ZNF451: variants seen among roughly 807,000 people sequenced by gnomAD.
ZNF451 encodes the protein zinc finger protein 451, also known as E3 SUMO-protein ligase ZNF451.
In ZNF451, 80 loss-of-function variants were observed where a neutral mutation model predicts 107.1. The ratio of observed to expected loss-of-function variants is 0.75; its 90% CI spans 0.62 to 0.90. ZNF451 has a LOEUF of 0.90. ZNF451 is among the 40% of genes least tolerant of loss of function. The pLI is 0.00. For missense variants in ZNF451, 1,107 were observed against 1,236.2 expected, an observed-to-expected ratio of 0.90 and a Z score of 1.57; for synonymous variants, 362 against 406.5, an observed-to-expected ratio of 0.89 and a Z score of 1.32.
intron 3 of ZNF451, chr6:57,107,487 A>G (rs1593092267): frequency 7.1e-6 from 7 of 985,074 alleles, no homozygotes; most frequent in Admixed American, 6.1e-5. Flanking sequence ...GTTTAATGGT[A>G]GTAGTATTTT....
Position 57,169,467 on chromosome 6 carries a change from C to T in ZNF451, c.*998C>T, listed in dbSNP as rs1040070004. 7 of 152,102 alleles carry T rather than the reference C, an allele frequency of 4.6e-5. No homozygotes were observed. The highest frequency in any genetic ancestry group is 1.7e-4 in the African/African-American group (7 of 41,524). 9.4% of individuals were successfully genotyped at this position (152,102 alleles called of 1,614,324 possible). On this transcript the variant is annotated 3_prime_UTR_variant, in exon 15 of 15. Transcript: ENST00000370706. ...AAGTAGAAGACTAAGAAGGGCTTGT[C>T]ATATTATCTTTGTGTATATGCTTCA...
At chr6:57,138,704 C>CAT (rs60629541) in intron 7 of ZNF451, among the ~76,000 whole-genome samples, 637 of 43,744 alleles carry the variant, frequency 0.015, 7 homozygotes, top group Middle Eastern at 0.028. Flanking sequence ...GCAGCTATGC[C>CAT]ATATATATAT....
intron 3 of ZNF451, chr6:57,106,864 A>G: frequency 1.0e-6 from 1 of 971,606 alleles, no homozygotes; most frequent in Non-Finnish European, 1.2e-6. Context: ...AGTTATCAGT[A>G]AACTGGTGAT....
intron 13 of ZNF451, among the ~76,000 whole-genome samples, chr6:57,155,996 A>G (rs1763404285): frequency 1.3e-5 from 2 of 151,930 alleles, no homozygotes; most frequent in Non-Finnish European, 2.9e-5. Context: ...TAGCAGCGCG[A>G]TTTCAGGCAT....
At position 57,169,517 on chromosome 6, in the gene ZNF451, T is replaced by C. The variant is rs1764041563; in HGVS notation, c.*1048T>C. ...ATGTTATTTAACCAGAAATGTCTTATCTCTAAAAATTTTTAGTAGTAATTA... is the reference window on the plus strand; with the variant it reads ...ATGTTATTTAACCAGAAATGTCTTACCTCTAAAAATTTTTAGTAGTAATTA... On this transcript the variant is annotated 3_prime_UTR_variant, in exon 15 of 15. Coordinates refer to ENST00000370706, the MANE Select transcript of ZNF451 (RefSeq NM_001031623.3). 6.6e-6 allele frequency: 1 copy of C among 152,116 alleles called. No homozygotes were observed. Among genetic ancestry groups the C allele is most frequent in the Non-Finnish European group, 1.5e-5 (1 of 67,998 alleles). The allele number at this position is 152,116 out of a possible 1,614,324, so 9.4% of individuals were successfully genotyped here.
chr6:57,115,880 G>A (rs1472848887), intron 3 of ZNF451, among the ~76,000 whole-genome samples: 1 of 152,110 alleles, frequency 6.6e-6, no homozygotes, highest in Admixed American at 6.5e-5. Context: ...TTAGTCCAGG[G>A]TGACCATAGG....
intron 3 of ZNF451, chr6:57,101,237 TG>T: frequency 6.4e-7 from 1 of 1,550,924 alleles, no homozygotes; most frequent in Non-Finnish European, 8.7e-7. Context: ...ATAAAAAGGG[TG>T]ACATTACAAT....
At chr6:57,138,456 G>A (rs947690835) in intron 7 of ZNF451, among the ~76,000 whole-genome samples, 6 of 151,458 alleles carry the variant, frequency 4.0e-5, no homozygotes, top group South Asian at 4.2e-4. Flanking sequence ...TAGAGACGGC[G>A]TTTCACCACG....
intron 3 of ZNF451, chr6:57,109,844 A>C (rs905545850): frequency 6.0e-6 from 3 of 501,542 alleles, no homozygotes; most frequent in Middle Eastern, 9.9e-4. Flanking sequence ...GTTATTTCAT[A>C]TCTGTGTTGA....
At chr6:57,125,470 G>GT (rs1413256022) in intron 4 of ZNF451, among the ~76,000 whole-genome samples, 2 of 152,164 alleles carry the variant, frequency 1.3e-5, no homozygotes, top group African/African-American at 4.8e-5. Flanking sequence ...GATATATTGG[G>GT]TAAAAAACTC....
chr6:57,114,939 A>C (rs540175608), intron 3 of ZNF451: 2 of 152,192 alleles, frequency 1.3e-5, no homozygotes, highest in Non-Finnish European at 2.9e-5. Context: ...ATTCATATAT[A>C]TATTTACAGG....
intron 3 of ZNF451, among the ~76,000 whole-genome samples, chr6:57,123,386 A>C (rs1176902802): frequency 6.6e-6 from 1 of 152,190 alleles, no homozygotes; most frequent in African/African-American, 2.4e-5. Flanking sequence ...GGAAGCTGCT[A>C]CCCTAAGCAA....
intron 11 of ZNF451, 150 bp downstream of exon 11, chr6:57,151,012 C>A (rs117880764): frequency 3.1e-6 from 3 of 953,504 alleles, no homozygotes; most frequent in African/African-American, 3.3e-5. Flanking sequence ...CTGCTAGAAT[C>A]GTTTTCTTTA....
At chr6:57,162,283 T>A (rs146796181) in intron 14 of ZNF451, among the ~76,000 whole-genome samples, 162 of 152,310 alleles carry the variant, frequency 1.1e-3, no homozygotes, top group African/African-American at 3.8e-3. Flanking sequence ...TTGCATTTCC[T>A]TGATCTCAGA....
chr6:57,099,600 T>G (rs906564614), intron 3 of ZNF451: 5 of 698,296 alleles, frequency 7.2e-6, no homozygotes, highest in Non-Finnish European at 1.3e-5. Context: ...AGGGGATATA[T>G]TACTTCAGTC....
At chr6:57,154,138 G>GT (rs1655108724) in intron 13 of ZNF451, 91 bp downstream of exon 13, 1 of 1,262,726 alleles carries the variant, frequency 7.9e-7, no homozygotes, top group Non-Finnish European at 1.1e-6. Context: ...CTAGTGAACT[G>GT]TTGCCTGCTT....
At position 57,106,756 on chromosome 6, in the gene ZNF451, T is replaced by C. The variant is rs1441421221; in HGVS notation, c.186+7615T>C. 5 of 985,260 alleles carry C rather than the reference T, an allele frequency of 5.1e-6. No individual in the cohort carries two copies. In the South Asian group the frequency reaches 1.4e-4, roughly 28 times the overall value. 61.0% of individuals were successfully genotyped at this position (985,260 alleles called of 1,614,324 possible). A position where few individuals can be genotyped will look rare whatever the true frequency, so the allele number is the denominator to read the frequency against. On this transcript the variant is annotated intron_variant, in intron 3 of 14. Transcript: ENST00000370706. ...GATTGTCTCATCTGTATGCATCTTA[T>C]GCATGTGATTCAATAGACTAGATCG...
intron 13 of ZNF451, chr6:57,158,885 T>G (rs1286019246): frequency 2.0e-6 from 2 of 985,366 alleles, no homozygotes; most frequent in African/African-American, 3.5e-5. Context: ...TTGGCATCTA[T>G]GAGTCATACC....
At position 57,130,363 on chromosome 6, in the gene ZNF451, A is replaced by G. The variant is rs1304301086; in HGVS notation, c.424+1523A>G. ...CTTTTAGTTTTAAAAATCCCTCTTC[A>G]TGTACATTCTTCTCAGTGGAAGAAG... is the stretch of plus-strand genomic sequence containing the variant. On this transcript the variant is annotated intron_variant, in intron 5 of 14. Coordinates refer to ENST00000370706, the MANE Select transcript of ZNF451 (RefSeq NM_001031623.3). Among the ~76,000 whole-genome samples, 3 of 152,138 alleles carry G rather than the reference A, an allele frequency of 2.0e-5. No individual in the cohort carries two copies. The East Asian group carries it at 5.8e-4, about 29-fold the overall frequency.
Sources: allele counts gnomAD v4.1 joint callset (sites outside exome capture counted in the v4.1 genomes callset), GRCh38; gene constraint gnomAD v4.1.1; transcripts MANE v1.5; gene names NCBI Gene and HGNC (gene_info 2026-07-23, HGNC 2026-07-21).